The following ENOX1 variants were observed in gnomAD, a reference collection of about 807,000 sequenced individuals.
The protein encoded by ENOX1 is ecto-NOX disulfide-thiol exchanger 1.
In ENOX1, 42 loss-of-function variants were observed where a neutral mutation model predicts 82.5. The observed-to-expected ratio is 0.51, with a 90% CI of 0.40 to 0.66. The LOEUF is 0.66. ENOX1 is among the 30% of genes least tolerant of loss of function. The pLI is 0.00. For synonymous variants in ENOX1, 271 were observed against 282.2 expected, an observed-to-expected ratio of 0.96 and a Z score of 0.40; for missense variants, 608 against 811.6, an observed-to-expected ratio of 0.75 and a Z score of 3.05.
chr13:43,696,814 A>G, intron 1 of ENOX1, among the ~76,000 whole-genome samples: 1 of 147,582 alleles, frequency 6.8e-6, no homozygotes, highest in Non-Finnish European at 1.5e-5. Flanking sequence ...TTTTTTTAAG[A>G]ATATATAAGA....
chr13:43,270,191 C>T (rs1424234823), intron 12 of ENOX1, among the ~76,000 whole-genome samples: 1 of 152,304 alleles, frequency 6.6e-6, no homozygotes, highest in East Asian at 1.9e-4. Flanking sequence ...CTGAGCTTCC[C>T]TTGCCCTATC....
rs543170931 is a variant in ENOX1 at position 43,517,599 on chromosome 13, T to C, written c.-218-33447A>G. 9.2e-5 allele frequency among the ~76,000 whole-genome samples: 14 copies of C among 152,264 alleles called. No homozygotes were observed. In the East Asian group the frequency reaches 2.7e-3, roughly 29 times the overall value. On this transcript the variant is annotated intron_variant, in intron 2 of 16. Transcript: ENST00000690772. ...ATGGAATAAATCCCAATCAATGTCT[T>C]TGACCAGAAGTTCAGGAGTGAGTGC...
chr13:43,556,856 AAAG>A (rs1481156932), intron 2 of ENOX1, among the ~76,000 whole-genome samples: 27 of 152,244 alleles, frequency 1.8e-4, no homozygotes, highest in African/African-American at 6.5e-4. Flanking sequence ...GCTACGTGCC[AAAG>A]AAGGGCTACA....
chr13:43,411,588 C>A (rs770288381), intron 5 of ENOX1, among the ~76,000 whole-genome samples: 3 of 152,156 alleles, frequency 2.0e-5, no homozygotes, highest in Non-Finnish European at 4.4e-5. Context: ...GAAGACAGTG[C>A]AATCAAATGG....
At chr13:43,670,800 G>A (rs940196821) in intron 1 of ENOX1, among the ~76,000 whole-genome samples, 2 of 152,052 alleles carry the variant, frequency 1.3e-5, no homozygotes, top group African/African-American at 4.8e-5. Flanking sequence ...CCAAGATCGC[G>A]ACACTGCACT....
chr13:43,345,112 C>T (rs1415486202), intron 8 of ENOX1, among the ~76,000 whole-genome samples: 2 of 152,194 alleles, frequency 1.3e-5, no homozygotes, highest in East Asian at 3.8e-4. Context: ...TACTTGGCCT[C>T]CACTTCATTT....
chr13:43,686,602 G>A (rs1427271602), intron 1 of ENOX1, among the ~76,000 whole-genome samples: 1 of 152,182 alleles, frequency 6.6e-6, no homozygotes, highest in Non-Finnish European at 1.5e-5. Context: ...TGAGTCTTTG[G>A]TTAAAGATTC....
intron 16 of ENOX1, among the ~76,000 whole-genome samples, chr13:43,217,791 T>C (rs746569903): frequency 6.6e-6 from 1 of 152,234 alleles, no homozygotes; most frequent in Non-Finnish European, 1.5e-5. Context: ...ACTTGGTTTG[T>C]GTGCTGGCCT....
At chr13:43,666,838 T>C (rs1160704909) in intron 2 of ENOX1, among the ~76,000 whole-genome samples, 3 of 152,168 alleles carry the variant, frequency 2.0e-5, no homozygotes, top group South Asian at 2.1e-4. Flanking sequence ...GTTTGGTCAC[T>C]GGATGATATA....
chr13:43,386,814 T>G (rs983345339), intron 5 of ENOX1, among the ~76,000 whole-genome samples: 5 of 152,220 alleles, frequency 3.3e-5, no homozygotes, highest in Non-Finnish European at 7.3e-5. Context: ...TTAGAATTGA[T>G]GCTAACACAC....
At chr13:43,290,384 T>TATATATATATATACACACACAC (rs2045932083) in intron 12 of ENOX1, among the ~76,000 whole-genome samples, 1 of 150,028 alleles carries the variant, frequency 6.7e-6, no homozygotes, top group Admixed American at 6.6e-5. Context: ...TATATATATA[T>TATATATATATATACACACACAC]ACACACACAC....
At chr13:43,554,325 C>T (rs576500907) in intron 2 of ENOX1, among the ~76,000 whole-genome samples, 8 of 152,306 alleles carry the variant, frequency 5.3e-5, no homozygotes, top group Non-Finnish European at 8.8e-5. Context: ...GGGCTAAAAT[C>T]CTATTTCTGC....
At chr13:43,431,333 G>A (rs2055648598) in intron 3 of ENOX1, among the ~76,000 whole-genome samples, 1 of 152,080 alleles carries the variant, frequency 6.6e-6, no homozygotes. Context: ...TTCTCTTAGT[G>A]ACTCTGCACT....
chr13:43,585,537 G>A (rs1566578522), intron 2 of ENOX1, among the ~76,000 whole-genome samples: 1 of 152,156 alleles, frequency 6.6e-6, no homozygotes, highest in Admixed American at 6.5e-5. Context: ...GACTTGCCAA[G>A]ACCTATTGAT....
chr13:43,370,525 A>G (rs1185798406), intron 5 of ENOX1, among the ~76,000 whole-genome samples: 2 of 152,164 alleles, frequency 1.3e-5, no homozygotes, highest in East Asian at 3.9e-4. Context: ...CTGGAAGCTC[A>G]TGTGTACTAA....
At chr13:43,612,645 T>C (rs182503904) in intron 2 of ENOX1, among the ~76,000 whole-genome samples, 1 of 152,318 alleles carries the variant, frequency 6.6e-6, no homozygotes, top group Non-Finnish European at 1.5e-5. Context: ...TTAATGCTTT[T>C]TCCTCCACAA....
chr13:43,429,133 C>G (rs2055508999), intron 3 of ENOX1, among the ~76,000 whole-genome samples: 1 of 152,154 alleles, frequency 6.6e-6, no homozygotes, highest in Non-Finnish European at 1.5e-5. Context: ...TCACAAGTAC[C>G]CTGTGGGCCA....
rs181621688 is a variant in ENOX1 at position 43,344,848 on chromosome 13, G to A, written c.824-98C>T. The A allele has an allele frequency of 5.4e-5, 64 of 1,194,754 alleles. No homozygotes were observed. The African/African-American group carries it at 8.8e-4, about 16-fold the overall frequency. 74.0% of individuals were successfully genotyped at this position (1,194,754 alleles called of 1,614,324 possible). A position where few individuals can be genotyped will look rare whatever the true frequency, so the allele number is the denominator to read the frequency against. Reference sequence around the variant, plus strand: ...AAGACAGAGCATAGTCCAACCTAGTGGATATATTTTCAGAACTCAGCAAGT... The same window carrying A: ...AAGACAGAGCATAGTCCAACCTAGTAGATATATTTTCAGAACTCAGCAAGT... On this transcript the variant is annotated intron_variant, in intron 8 of 16. Transcript: ENST00000690772.
intron 9 of ENOX1, among the ~76,000 whole-genome samples, chr13:43,337,440 C>T (rs4942214): frequency 0.2 from 30,030 of 152,008 alleles, 3,825 homozygotes; most frequent in East Asian, 0.55. Context: ...TATTAACAAG[C>T]GCTGCAGAAG....
Sources: gnomAD v4.1 joint callset for allele counts (sites outside exome capture counted in the v4.1 genomes callset) on GRCh38, gnomAD v4.1.1 for gene constraint, MANE v1.5 for transcripts, NCBI Gene and HGNC (gene_info 2026-07-23, HGNC 2026-07-21) for gene names.